Variants in ZNF737 observed in about 807,000 individuals in gnomAD.
ZNF737 encodes zinc finger protein 737, also known as zinc finger protein 102 (Y3).
ZNF737 carries 13 observed loss-of-function variants against 11.7 expected under a neutral mutation model. The observed-to-expected ratio is 1.11, with a 90% CI of 0.73 to 1.77. The LOEUF is 1.77. Among genes scored for constraint, ZNF737 ranks in the 40% most tolerant of loss-of-function variants. The pLI, the probability that ZNF737 is intolerant of heterozygous loss-of-function variation, is 0.00. For synonymous variants in ZNF737, 217 were observed against 216.2 expected, an observed-to-expected ratio of 1.00 and a Z score of -0.03; for missense variants, 636 against 638.0, an observed-to-expected ratio of 1.00 and a Z score of 0.03.
chr19:20,536,860 T>G (rs1967986716), downstream of ZNF737, among the ~76,000 whole-genome samples: 1 of 152,172 alleles, frequency 6.6e-6, no homozygotes, highest in Middle Eastern at 3.2e-3. Flanking sequence ...GGAGAATCTC[T>G]TGAACCTGTG....
chr19:20,544,039 A>G lies in ZNF737; in HGVS notation c.*553T>C, dbSNP rs562417399. 3.8e-5 allele frequency: 28 copies of G among 731,334 alleles called. No homozygotes were observed. The South Asian group carries it at 1.7e-3, about 43-fold the overall frequency. 45.3% of individuals were successfully genotyped at this position (731,334 alleles called of 1,614,324 possible). ...GCTACTCAGGAAGCTGAGGTAGGAGAATGGCTTAAACCCAGGAGGCAGAGG... is the reference window on the plus strand; with the variant it reads ...GCTACTCAGGAAGCTGAGGTAGGAGGATGGCTTAAACCCAGGAGGCAGAGG... On this transcript the variant is annotated 3_prime_UTR_variant, in exon 4 of 4. Coordinates refer to ENST00000427401, the MANE Select transcript of ZNF737 (RefSeq NM_001159293.2).
chr19:20,536,502 G>A (rs1027817912), downstream of ZNF737, among the ~76,000 whole-genome samples: 5 of 152,066 alleles, frequency 3.3e-5, no homozygotes, highest in African/African-American at 1.2e-4. Flanking sequence ...AAAGCACGTC[G>A]TGCTATTGCT....
chr19:20,548,928 C>T (rs1484984268), intron 3 of ZNF737, among the ~76,000 whole-genome samples: 1 of 97,536 alleles, frequency 1.0e-5, no homozygotes, highest in South Asian at 3.5e-4. Context: ...TTTTATATTA[C>T]GTGTTTTTAA....
At chr19:20,530,789 G>A in the ZNF737 span, among the ~76,000 whole-genome samples, 7 of 145,984 alleles carry the variant, frequency 4.8e-5, no homozygotes, top group East Asian at 4.3e-4. Context: ...GATGATGGGC[G>A]GCCAGGCAGA....
intron 1 of ZNF737, among the ~76,000 whole-genome samples, chr19:20,562,684 AC>A (rs1599439620): frequency 6.6e-6 from 1 of 151,798 alleles, no homozygotes; most frequent in East Asian, 1.9e-4. Flanking sequence ...TGAACACCTG[AC>A]CTCAGGTGAT....
intron 3 of ZNF737, among the ~76,000 whole-genome samples, chr19:20,548,777 A>C (rs1363638425): frequency 3.3e-5 from 5 of 151,544 alleles, no homozygotes; most frequent in Non-Finnish European, 5.9e-5. Flanking sequence ...AGGTGTCACC[A>C]TATGTTGCCC....
intron 1 of ZNF737, among the ~76,000 whole-genome samples, chr19:20,556,187 C>A (rs377642849): frequency 1.1e-4 from 16 of 152,278 alleles, no homozygotes; most frequent in East Asian, 7.7e-4. Flanking sequence ...CCTGTGGCCA[C>A]CCTTTAGTGC....
At chr19:20,553,880 T>C (rs1968789970) in intron 1 of ZNF737, 45 bp from the exon 2 acceptor site, 2 of 1,591,878 alleles carry the variant, frequency 1.3e-6, no homozygotes, top group South Asian at 1.1e-5. Context: ...TAGCCAAGGG[T>C]GGAATTTTTA....
chr19:20,553,344 C>T (rs782777337), intron 2 of ZNF737, among the ~76,000 whole-genome samples: 11 of 152,064 alleles, frequency 7.2e-5, no homozygotes, highest in Non-Finnish European at 1.0e-4. Context: ...CTGCAACCTC[C>T]GCCTCCTGGG....
At position 20,562,157 on chromosome 19, in the gene ZNF737, A is replaced by T. The variant is rs147431103; in HGVS notation, c.3+3481T>A. 3.5e-4 allele frequency among the ~76,000 whole-genome samples: 53 copies of T among 152,044 alleles called. No homozygotes were observed. In the East Asian group the frequency reaches 9.9e-3, roughly 28 times the overall value. On this transcript the variant is annotated intron_variant, in intron 1 of 3. Transcript: ENST00000427401. ...CACTGCACATTTTCTCCTTTTTCTC[A>T]TTAAAAAAATCAGCTGAATTTGTCT...
intron 1 of ZNF737, among the ~76,000 whole-genome samples, chr19:20,560,002 T>C (rs1347205963): frequency 6.6e-6 from 1 of 151,030 alleles, no homozygotes; most frequent in Non-Finnish European, 1.5e-5. Context: ...CCGTCTCTAC[T>C]AAAAATACAA....
downstream of ZNF737, among the ~76,000 whole-genome samples, chr19:20,531,059 C>A (rs1312365603): frequency 7.5e-5 from 11 of 146,672 alleles, no homozygotes; most frequent in African/African-American, 2.6e-4. Flanking sequence ...AACCCCGTCT[C>A]CACCAAAAAA....
chr19:20,542,805 A>G lies in ZNF737; in HGVS notation c.*1787T>C. The G allele has an allele frequency of 1.0e-6, 1 of 985,396 alleles. No homozygotes were observed. Among genetic ancestry groups the G allele is most frequent in the Non-Finnish European group, 1.2e-6 (1 of 829,884 alleles). The allele number at this position is 985,396 out of a possible 1,614,324, so 61.0% of individuals were successfully genotyped here. A position where few individuals can be genotyped will look rare whatever the true frequency, so the allele number is the denominator to read the frequency against. On this transcript the variant is annotated 3_prime_UTR_variant, in exon 4 of 4. Coordinates refer to ENST00000427401, the MANE Select transcript of ZNF737 (RefSeq NM_001159293.2). The stretch of plus-strand genomic sequence containing the variant: ...AATGTAAAAAAATCGAATATCTCTG[A>G]TGCAGAAGCCACTGATCACATGCTT...
downstream of ZNF737, chr19:20,537,943 A>G (rs1968045273): frequency 4.0e-6 from 2 of 495,132 alleles, no homozygotes; most frequent in African/African-American, 4.2e-5. Flanking sequence ...CATGAACTCA[A>G]ATCAAGTACT....
chr19:20,539,340 C>A lies in ZNF737; in HGVS notation c.*5252G>T. The stretch of plus-strand genomic sequence containing the variant: ...TCAATTACTTGGAAACCCTGGGAAG[C>A]CCCTATAAAATACTCCCTTTGAATA... On this transcript the variant is annotated 3_prime_UTR_variant, in exon 4 of 4. Coordinates refer to ENST00000427401, the MANE Select transcript of ZNF737 (RefSeq NM_001159293.2). 1 of 985,102 alleles carries A rather than the reference C, an allele frequency of 1.0e-6. No individual in the cohort carries two copies. The highest frequency in any genetic ancestry group is 4.7e-5 in the South Asian group (1 of 21,262). The allele number at this position is 985,102 out of a possible 1,614,324, so 61.0% of individuals were successfully genotyped here.
At chr19:20,560,948 GAA>G (rs1274053970) in intron 1 of ZNF737, among the ~76,000 whole-genome samples, 13 of 152,112 alleles carry the variant, frequency 8.5e-5, no homozygotes, top group Admixed American at 3.3e-4. Context: ...AAGAGAATCA[GAA>G]AACATACCTG....
intron 1 of ZNF737, chr19:20,564,011 A>G (rs1273986231): frequency 6.6e-6 from 1 of 151,976 alleles, no homozygotes; most frequent in Non-Finnish European, 1.5e-5. Flanking sequence ...TTAAAATACA[A>G]AAGAATTAGC....
rs1053603622 is a variant in ZNF737, at chr19:20,543,354, A to G, written c.*1238T>C. The G allele has an allele frequency of 2.1e-5, 21 of 986,330 alleles. No homozygotes were observed. The African/African-American group carries it at 2.3e-4, about 11-fold the overall frequency. 61.1% of individuals were successfully genotyped at this position (986,330 alleles called of 1,614,324 possible). A position where few individuals can be genotyped will look rare whatever the true frequency, so the allele number is the denominator to read the frequency against. ...GATCTGTGATACTAGTAAATGTACT[A>G]TGTAACTCCCTTTATATTTGTAATG... On this transcript the variant is annotated 3_prime_UTR_variant, in exon 4 of 4. Coordinates refer to ENST00000427401, the MANE Select transcript of ZNF737 (RefSeq NM_001159293.2).
downstream of ZNF737, chr19:20,535,938 T>A: frequency 3.1e-6 from 1 of 325,436 alleles, no homozygotes; most frequent in South Asian, 1.2e-4. Context: ...GTTTTTTGTC[T>A]GGTTAAGAGA....
Sources: gnomAD v4.1 joint callset for allele counts (sites outside exome capture counted in the v4.1 genomes callset) on GRCh38, gnomAD v4.1.1 for gene constraint, MANE v1.5 for transcripts, NCBI Gene and HGNC (gene_info 2026-07-23, HGNC 2026-07-21) for gene names.